SUMO3: variants seen among roughly 807,000 people sequenced by gnomAD.
SUMO3 encodes small ubiquitin-related modifier 3.
In SUMO3, 2 loss-of-function variants were observed where a neutral mutation model predicts 11.1. That is an observed-to-expected ratio of 0.18 (90% CI 0.07 to 0.57). The LOEUF is 0.57. SUMO3 is among the 20% of genes least tolerant of loss of function. SUMO3 has a pLI of 0.92. For missense variants in SUMO3, 70 were observed against 132.8 expected, an observed-to-expected ratio of 0.53 and a Z score of 2.32; for synonymous variants, 56 against 53.5, an observed-to-expected ratio of 1.05 and a Z score of -0.20.
Position 44,807,014 on chromosome 21 carries a change from G to T in SUMO3, c.249C>A (p.Ile83=). Residue 83 remains isoleucine (I), a synonymous_variant, in exon 4 of 4, where the codon ATC becomes ATA. Coordinates refer to ENST00000332859, the MANE Select transcript of SUMO3 (RefSeq NM_006936.3). This position sits in a 1 kb window ranked among gnomAD's most constrained non-coding sequence, Gnocchi z 4.3. ...CTCCCGTCTGCTGCTGGAACACGTC[G>T]ATGGTGTCCTCGTCCTCCATCTCCA... is the stretch of plus-strand genomic sequence containing the variant. ...AQLEMEDEDT[I]DVFQQQTGGV... The T allele has an allele frequency of 6.2e-7, 1 of 1,614,048 alleles. No homozygotes were observed. Among genetic ancestry groups the T allele is most frequent in the Admixed American group, 1.7e-5 (1 of 60,012 alleles).
intron 2 of SUMO3, among the ~76,000 whole-genome samples, chr21:44,809,873 A>T (rs2146421095): frequency 6.6e-6 from 1 of 152,292 alleles, no homozygotes; most frequent in Non-Finnish European, 1.5e-5. Flanking sequence ...TGGTGCCCTG[A>T]CCTGTCCTGG....
At chr21:44,813,758 G>A (rs536720223) in intron 2 of SUMO3, 11 of 1,435,488 alleles carry the variant, frequency 7.7e-6, no homozygotes, top group Middle Eastern at 2.5e-4. Context: ...ACACTTCTCC[G>A]AGCCTCTAGG....
intron 3 of SUMO3, chr21:44,808,221 ACT>A (rs1429694639): frequency 4.7e-6 from 1 of 211,130 alleles, no homozygotes; most frequent in Non-Finnish European, 9.4e-6. Context: ...TTAAAAAAAA[ACT>A]CTGTTTCGGC....
chr21:44,814,048 G>A lies in SUMO3; in HGVS notation c.78C>T (p.Gly26=), dbSNP rs79772434. 2.0e-4 allele frequency: 325 copies of A among 1,613,882 alleles called. 1 individual carries two copies. The African/African-American group carries it at 4.1e-3, about 20-fold the overall frequency. The change falls in exon 2 of 4, where the codon GGC becomes GGT. Residue 26 remains glycine (G), a synonymous_variant. Transcript: ENST00000332859. ...HINLKVAGQD[G]SVVQFKIKRH... ...TCTTGATCTTGAACTGCACCACGGA[G>A]CCGTCCTGCCCGGCCACCTTCAGGT...
At chr21:44,816,670 A>G (rs1213244462) in intron 1 of SUMO3, among the ~76,000 whole-genome samples, 1 of 152,144 alleles carries the variant, frequency 6.6e-6, no homozygotes, top group African/African-American at 2.4e-5. Context: ...GGAGAATGCG[A>G]CTACAGACCC....
intron 2 of SUMO3, chr21:44,813,505 G>T: frequency 3.3e-6 from 1 of 307,442 alleles, no homozygotes; most frequent in Non-Finnish European, 6.1e-6. Flanking sequence ...GCGCTTTCTT[G>T]CCTTTCCTAA....
intron 2 of SUMO3, 110 bp downstream of exon 2, chr21:44,813,866 G>A (rs2083227617): frequency 6.3e-7 from 1 of 1,583,638 alleles, no homozygotes. Context: ...GGGCACCTCG[G>A]GCAGCTGCAT....
Position 44,814,131 on chromosome 21 carries a change from C to T in SUMO3, c.22-27G>A, listed in dbSNP as rs1313869630. On this transcript the variant is annotated intron_variant, in intron 1 of 3. Coordinates refer to ENST00000332859, the MANE Select transcript of SUMO3 (RefSeq NM_006936.3). Reference sequence around the variant, plus strand: ...TGCAGAAGACACCAGAGACTGGCCTCAAAACTGTGTCTCAAAATAACCGCG... The same window carrying T: ...TGCAGAAGACACCAGAGACTGGCCTTAAAACTGTGTCTCAAAATAACCGCG... The T allele has an allele frequency of 3.8e-6, 6 of 1,598,030 alleles. No homozygotes were observed. In the African/African-American group the frequency reaches 8.0e-5, roughly 21 times the overall value.
intron 1 of SUMO3, among the ~76,000 whole-genome samples, chr21:44,817,569 G>T (rs2083253587): frequency 6.6e-6 from 1 of 151,992 alleles, no homozygotes; most frequent in African/African-American, 2.4e-5. Context: ...ACTCAGGAGA[G>T]GAGCACGCAA....
chr21:44,814,016 G>A lies in SUMO3; in HGVS notation c.110C>T (p.Thr37Met), dbSNP rs1482161206. The A allele has an allele frequency of 5.6e-6, 9 of 1,613,404 alleles. No homozygotes were observed. Among genetic ancestry groups the A allele is most frequent in the Middle Eastern group, 1.6e-4 (1 of 6,062 alleles). Reference sequence around the variant, plus strand: ...GGCCTTCATCAGCTTGCTCAGCGGCGTGTGCCTCTTGATCTTGAACTGCAC... The same window carrying A: ...GGCCTTCATCAGCTTGCTCAGCGGCATGTGCCTCTTGATCTTGAACTGCAC... ...SVVQFKIKRH[T>M]PLSKLMKAYC... is the part of the protein sequence containing the mutation. The change falls in exon 2 of 4, where the codon ACG becomes ATG. Residue 37 changes from threonine (T) to methionine (M), a missense_variant. By Grantham distance (81) the Thr-to-Met change is moderately conservative. Transcript: ENST00000332859.
At position 44,811,963 on chromosome 21, in the gene SUMO3, C is replaced by G. The variant is rs1022767871; in HGVS notation, c.150+2013G>C. The stretch of plus-strand genomic sequence containing the variant: ...CACCTCTGAGGCACATAAGGAAACA[C>G]TGAATGCCAGAATATGGTCCCAGAT... On this transcript the variant is annotated intron_variant, in intron 2 of 3. Transcript: ENST00000332859. The surrounding 1 kb of genome is among the most constrained non-coding windows in gnomAD (Gnocchi z 5.0). 6.6e-6 allele frequency among the ~76,000 whole-genome samples: 1 copy of G among 151,274 alleles called. No homozygotes were observed. The highest frequency in any genetic ancestry group is 2.4e-5 in the African/African-American group (1 of 41,184).
rs1383364894 is a variant in SUMO3, at chr21:44,806,776, C to T, written c.*175G>A. The stretch of plus-strand genomic sequence containing the variant: ...ATTCTGATTGGCCCAATTTAAGTTA[C>T]AGATTCATCCCTGCAGATATAGTTT... On this transcript the variant is annotated 3_prime_UTR_variant, in exon 4 of 4. Coordinates refer to ENST00000332859, the MANE Select transcript of SUMO3 (RefSeq NM_006936.3). 5.0e-6 allele frequency: 7 copies of T among 1,387,150 alleles called. No homozygotes were observed. Among genetic ancestry groups the T allele is most frequent in the Non-Finnish European group, 6.6e-6 (7 of 1,061,630 alleles). 85.9% of individuals were successfully genotyped at this position (1,387,150 alleles called of 1,614,324 possible). A position where few individuals can be genotyped will look rare whatever the true frequency, so the allele number is the denominator to read the frequency against.
rs746769198 is a variant in SUMO3, at chr21:44,813,970, C to A, written c.150+6G>T. On this transcript the variant is annotated splice_donor_region_variant and intron_variant, in intron 2 of 3. Coordinates refer to ENST00000332859, the MANE Select transcript of SUMO3 (RefSeq NM_006936.3). ...GGAGGCTCTGCGGGGGAGCAAGGTGCCGCACCTGCCTCTCGCAGTAGGCCT... is the reference window on the plus strand; with the variant it reads ...GGAGGCTCTGCGGGGGAGCAAGGTGACGCACCTGCCTCTCGCAGTAGGCCT... 11 of 1,609,744 alleles carry A rather than the reference C, an allele frequency of 6.8e-6. No homozygotes were observed. In the African/African-American group the frequency reaches 1.3e-4, roughly 20 times the overall value.
rs1340218548 is a variant in SUMO3, at chr21:44,811,952, A to G, written c.150+2024T>C. 1.3e-5 allele frequency among the ~76,000 whole-genome samples: 2 copies of G among 152,152 alleles called. No homozygotes were observed. Among genetic ancestry groups the G allele is most frequent in the African/African-American group, 4.8e-5 (2 of 41,436 alleles). Reference sequence around the variant, plus strand: ...AGAAAATCACCCACCTCTGAGGCACATAAGGAAACACTGAATGCCAGAATA... The same window carrying G: ...AGAAAATCACCCACCTCTGAGGCACGTAAGGAAACACTGAATGCCAGAATA... On this transcript the variant is annotated intron_variant, in intron 2 of 3. Coordinates refer to ENST00000332859, the MANE Select transcript of SUMO3 (RefSeq NM_006936.3). The surrounding 1 kb of genome is among the most constrained non-coding windows in gnomAD (Gnocchi z 5.0).
chr21:44,816,429 T>G (rs1311410635), intron 1 of SUMO3, among the ~76,000 whole-genome samples: 1 of 152,078 alleles, frequency 6.6e-6, no homozygotes, highest in African/African-American at 2.4e-5. Context: ...CAGACTTCCA[T>G]AGAGGCCGCG....
At position 44,810,612 on chromosome 21, in the gene SUMO3, C is replaced by T. The variant is rs551973932; in HGVS notation, c.151-1494G>A. 1.2e-4 allele frequency among the ~76,000 whole-genome samples: 18 copies of T among 152,342 alleles called. No individual in the cohort carries two copies. The South Asian group carries it at 2.3e-3, about 19-fold the overall frequency. ...CCAAGTCCCCTCTCCCCTCCAGATG[C>T]GCCTCCAGGAGGCTGGCCGGAGCCT... On this transcript the variant is annotated intron_variant, in intron 2 of 3. Coordinates refer to ENST00000332859, the MANE Select transcript of SUMO3 (RefSeq NM_006936.3). This position sits in a 1 kb window ranked among gnomAD's most constrained non-coding sequence, Gnocchi z 4.1.
intron 1 of SUMO3, among the ~76,000 whole-genome samples, chr21:44,816,181 GAAAATTA>G (rs2083242977): frequency 6.6e-6 from 1 of 152,188 alleles, no homozygotes; most frequent in Admixed American, 6.5e-5. Context: ...ATACTGCTGA[GAAAATTA>G]ATATCATATG....
intron 1 of SUMO3, among the ~76,000 whole-genome samples, chr21:44,817,225 C>A (rs1292516562): frequency 6.9e-6 from 1 of 145,436 alleles, no homozygotes; most frequent in Non-Finnish European, 1.5e-5. Flanking sequence ...TGGGCGCACA[C>A]CGGGGGACGC....
At chr21:44,814,246 C>G in intron 1 of SUMO3, 142 bp from the exon 2 acceptor site, 1 of 1,121,264 alleles carries the variant, frequency 8.9e-7, no homozygotes, top group Non-Finnish European at 1.3e-6. Flanking sequence ...AATTCAGAGT[C>G]ACTCGTGATG....
Sources: allele counts gnomAD v4.1 joint callset (sites outside exome capture counted in the v4.1 genomes callset), GRCh38; gene constraint gnomAD v4.1.1; non-coding constraint Gnocchi (gnomAD v3.1); transcripts MANE v1.5; gene names NCBI Gene and HGNC (gene_info 2026-07-23, HGNC 2026-07-21).